RIMBP2: variants seen among roughly 807,000 people sequenced by gnomAD.
The protein encoded by RIMBP2 is RIMS-binding protein 2.
RIMBP2 carries 48 observed loss-of-function variants against 118.6 expected under a neutral mutation model. The ratio of observed to expected loss-of-function variants is 0.40; its 90% CI spans 0.32 to 0.51. The LOEUF (loss-of-function observed/expected upper bound fraction) is 0.51, where lower values mean the gene tolerates loss of function less well. Ranked by LOEUF, RIMBP2 falls within the 20% of genes least tolerant of loss-of-function variation. The pLI is 0.41. For synonymous variants in RIMBP2, 762 were observed against 742.9 expected (o/e 1.03, Z -0.42); for missense variants, 1,551 against 1,768.3 (o/e 0.88, Z 2.20).
Position 130,536,481 on chromosome 12 carries a change from A to G in RIMBP2, c.-216-18564T>C, listed in dbSNP as rs1161669852. ...TCTTTAGAATCCTTTATTCGCATCA[A>G]AAAATTTCACCGTCATACCCCAACT... On this transcript the variant is annotated intron_variant, in intron 2 of 22. Transcript: ENST00000690449. 2.6e-5 allele frequency among the ~76,000 whole-genome samples: 4 copies of G among 152,296 alleles called. No homozygotes were observed. The East Asian group carries it at 5.8e-4, about 22-fold the overall frequency.
chr12:130,557,248 AG>A (rs2056440870), intron 2 of RIMBP2, among the ~76,000 whole-genome samples: 1 of 151,990 alleles, frequency 6.6e-6, no homozygotes, highest in African/African-American at 2.4e-5. Flanking sequence ...AGACAGGGAG[AG>A]GCCTGCAGTG....
chr12:130,436,309 A>C (rs994625661), intron 13 of RIMBP2, among the ~76,000 whole-genome samples: 2 of 152,220 alleles, frequency 1.3e-5, no homozygotes, highest in Non-Finnish European at 1.5e-5. Flanking sequence ...GCAGGGGTCT[A>C]TATGTCCGTA....
intron 22 of RIMBP2, chr12:130,397,753 C>A: frequency 2.7e-6 from 1 of 372,036 alleles, no homozygotes; most frequent in Non-Finnish European, 4.8e-6. Context: ...TGTGTGGGTT[C>A]CGTTTCTCTG....
At chr12:130,542,409 C>T (rs1026116832) in intron 2 of RIMBP2, among the ~76,000 whole-genome samples, 1 of 152,332 alleles carries the variant, frequency 6.6e-6, no homozygotes, top group Non-Finnish European at 1.5e-5. Context: ...ACTATCAGTT[C>T]TCTCCTTCCC....
chr12:130,567,367 T>TA (rs1340770848), intron 2 of RIMBP2, among the ~76,000 whole-genome samples: 1 of 152,220 alleles, frequency 6.6e-6, no homozygotes, highest in East Asian at 1.9e-4. Flanking sequence ...TGATGCTTAT[T>TA]AGTTTGCATA....
chr12:130,498,390 T>C (rs1052630334), intron 4 of RIMBP2, among the ~76,000 whole-genome samples: 5 of 152,252 alleles, frequency 3.3e-5, no homozygotes, highest in Non-Finnish European at 7.3e-5. Flanking sequence ...ATGCCAGATT[T>C]TGTGCTGGGC....
intron 2 of RIMBP2, among the ~76,000 whole-genome samples, chr12:130,604,994 C>T (rs1206147591): frequency 2.0e-5 from 3 of 152,002 alleles, no homozygotes; most frequent in Non-Finnish European, 4.4e-5. Context: ...AAGTCCAGTA[C>T]AGTCACATCC....
At chr12:130,698,385 A>G (rs2065676639) in intron 1 of RIMBP2, among the ~76,000 whole-genome samples, 2 of 152,124 alleles carry the variant, frequency 1.3e-5, no homozygotes, top group Non-Finnish European at 2.9e-5. Context: ...GCTCCTTCAC[A>G]TGACCTGTCA....
rs1252760496 is a variant in RIMBP2 at position 130,670,315 on chromosome 12, G to A, written c.-351-41859C>T. On this transcript the variant is annotated intron_variant, in intron 1 of 22. Coordinates refer to ENST00000690449, the MANE Select transcript of RIMBP2 (RefSeq NM_001393629.1). This position sits in a 1 kb window ranked among gnomAD's most constrained non-coding sequence, Gnocchi z 4.9. ...TCTATATTTATGGTGATTTCTTACT[G>A]ATGGACGTTCTAGGAAGGCATGGAG... Among the ~76,000 whole-genome samples, 3 of 152,126 alleles carry A rather than the reference G, an allele frequency of 2.0e-5. No individual in the cohort carries two copies. Among genetic ancestry groups the A allele is most frequent in the African/African-American group, 7.2e-5 (3 of 41,430 alleles).
At position 130,470,315 on chromosome 12, in the gene RIMBP2, G is replaced by A. The variant is rs549018808; in HGVS notation, c.153+378C>T. On this transcript the variant is annotated intron_variant, in intron 6 of 22. Transcript: ENST00000690449. ...TCAGAGACCAGGATGGCCTCCGGAA[G>A]GTCCACCGGCCTTTACCCCTGGGGA... 138 of 185,064 alleles carry A rather than the reference G, an allele frequency of 7.5e-4. 6 individuals carry two copies. The Admixed American group carries it at 8.3e-3, about 11-fold the overall frequency. The allele number at this position is 185,064 out of a possible 1,614,324, so 11.5% of individuals were successfully genotyped here.
chr12:130,500,637 T>C (rs1877978), intron 4 of RIMBP2, among the ~76,000 whole-genome samples: 59,801 of 151,914 alleles, frequency 0.39, 12,206 homozygotes, highest in East Asian at 0.5. Context: ...ATGTGACCAG[T>C]GGGCTAATTT....
At chr12:130,401,663 A>C (rs1318370866) in intron 21 of RIMBP2, among the ~76,000 whole-genome samples, 1 of 151,804 alleles carries the variant, frequency 6.6e-6, no homozygotes, top group Non-Finnish European at 1.5e-5. Flanking sequence ...TTTCTAGGCC[A>C]CCTATCCTTT....
intron 1 of RIMBP2, among the ~76,000 whole-genome samples, chr12:130,704,318 G>A (rs906722832): frequency 2.0e-5 from 3 of 152,228 alleles, no homozygotes; most frequent in South Asian, 2.1e-4. Context: ...GTTCATGCCT[G>A]TAATCCCAGC....
rs563269953 is a variant in RIMBP2, at chr12:130,400,598, T to C, written c.3766-785A>G. Among the ~76,000 whole-genome samples, 3 of 152,240 alleles carry C rather than the reference T, an allele frequency of 2.0e-5. No homozygotes were observed. In the East Asian group the frequency reaches 5.8e-4, roughly 29 times the overall value. ...TTGGCTGGCTCTGGGCAACACGGAA[T>C]CCTGTTTCTCTGTTTATATGGTCTA... On this transcript the variant is annotated intron_variant, in intron 21 of 22. Transcript: ENST00000690449.
At chr12:130,497,965 C>G (rs2049349267) in intron 4 of RIMBP2, among the ~76,000 whole-genome samples, 1 of 152,194 alleles carries the variant, frequency 6.6e-6, no homozygotes, top group African/African-American at 2.4e-5. Context: ...TGTTTATTCC[C>G]CTTGGAGAGT....
intron 1 of RIMBP2, among the ~76,000 whole-genome samples, chr12:130,654,733 C>T (rs1170556532): frequency 6.6e-6 from 1 of 152,250 alleles, no homozygotes; most frequent in East Asian, 1.9e-4. Context: ...GGAAAACAGA[C>T]TTGATTGGCT....
chr12:130,651,277 A>ACC (rs1185907232), intron 1 of RIMBP2: 1 of 152,038 alleles, frequency 6.6e-6, no homozygotes, highest in Non-Finnish European at 1.5e-5. Context: ...GCCTGAGGAG[A>ACC]CCTCAGGGGG....
At chr12:130,448,577 C>T (rs1407403095) in intron 9 of RIMBP2, among the ~76,000 whole-genome samples, 1 of 152,234 alleles carries the variant, frequency 6.6e-6, no homozygotes, top group Non-Finnish European at 1.5e-5. Flanking sequence ...TGGGCCTGCT[C>T]CACACACAGC....
rs549123664 is a variant in RIMBP2, at chr12:130,447,362, G to A, written c.582-2093C>T. Reference sequence around the variant, plus strand: ...TGCGTGTGGGCCCTGGAGGCCACCCGACCTCGTGGGTGTTCAGGGCAGACG... The same window carrying A: ...TGCGTGTGGGCCCTGGAGGCCACCCAACCTCGTGGGTGTTCAGGGCAGACG... On this transcript the variant is annotated intron_variant, in intron 9 of 22. Transcript: ENST00000690449. The surrounding 1 kb of genome is among the most constrained non-coding windows in gnomAD (Gnocchi z 4.4). Among the ~76,000 whole-genome samples, 14 of 152,234 alleles carry A rather than the reference G, an allele frequency of 9.2e-5. No homozygotes were observed. In the South Asian group the frequency reaches 2.9e-3, roughly 32 times the overall value.
Sources: allele counts gnomAD v4.1 joint callset (sites outside exome capture counted in the v4.1 genomes callset), GRCh38; gene constraint gnomAD v4.1.1; non-coding constraint Gnocchi (gnomAD v3.1); transcripts MANE v1.5; gene names NCBI Gene and HGNC (gene_info 2026-07-23, HGNC 2026-07-21).